The following RADX variants were observed in gnomAD, a reference collection of about 807,000 sequenced individuals.
RADX encodes the protein RPA1 related single stranded DNA binding protein, X-linked.
Under a neutral mutation model 61.6 loss-of-function variants are expected in RADX, and 36 were observed. The observed-to-expected ratio is 0.58, with a 90% confidence interval of 0.45 to 0.77. The LOEUF (loss-of-function observed/expected upper bound fraction) is 0.77, where lower values mean the gene tolerates loss of function less well. Ranked by LOEUF, RADX falls within the 30% of genes least tolerant of loss-of-function variation. RADX has a pLI of 0.00. For synonymous variants in RADX, 272 were observed against 237.9 expected, an observed-to-expected ratio of 1.14 and a Z score of -1.32; for missense variants, 497 against 651.1, an observed-to-expected ratio of 0.76 and a Z score of 2.58.
In RADX at chrX:106,669,279, C is replaced by A; in HGVS notation, c.2386C>A (p.Pro796Thr). ...CTCCATGAATTACAGCTGTGCATAT[C>A]CACAGGACACAACTGGAAATGACCG... Reference protein sequence around the residue: ...LTSMNYSCAYPQDTTGNDRLP... With the variant: ...LTSMNYSCAYTQDTTGNDRLP... The change falls in exon 13 of 14, where the codon CCA becomes ACA. Residue 796 changes from proline to threonine, a missense_variant. Pro to Thr is a conservative substitution (Grantham distance 38). This residue lies in a region of RADX where 267 missense variants were observed against 306.9 expected (regional missense o/e 0.87). Coordinates refer to ENST00000372548, the MANE Select transcript of RADX (RefSeq NM_018015.6). 1 of 1,203,804 alleles carries A rather than the reference C, an allele frequency of 8.3e-7. No individual in the cohort carries two copies. The highest frequency in any genetic ancestry group is 1.1e-6 in the Non-Finnish European group (1 of 889,133).
Position 106,612,265 on chromosome X carries a change from C to A in RADX, c.185C>A (p.Thr62Asn). 8.3e-7 allele frequency: 1 copy of A among 1,211,071 alleles called. No homozygotes were observed. Residue 62 changes from threonine to asparagine, a missense_variant, in exon 1 of 14, where the codon ACC becomes AAC. By Grantham distance (65) the Thr-to-Asn change is moderately conservative. This residue lies in a region of RADX where 196 missense variants were observed against 315.0 expected (regional missense o/e 0.62). Coordinates refer to ENST00000372548, the MANE Select transcript of RADX (RefSeq NM_018015.6). ...ATGGACTCACCTCGCCAGTGTGTCA[C>A]CCCCTCGGAGGTGGTGCCTGTAACT... ...QIMDSPRQCVTPSEVVPVTVL... is the reference protein window; with the variant it reads ...QIMDSPRQCVNPSEVVPVTVL...
At chrX:106,656,731 T>C (rs149412660) in intron 11 of RADX, among the ~76,000 whole-genome samples, 1,492 of 111,303 alleles carry the variant, frequency 0.013, 10 homozygotes, top group Non-Finnish European at 0.019. Flanking sequence ...GCAGTAATAT[T>C]TTGAGGGGAA....
Position 106,612,157 on chromosome X carries a change from G to C in RADX, c.77G>C (p.Arg26Pro). Reference protein sequence around the residue: ...GLDWPNPERNRAGVPGGVIRR... With the variant: ...GLDWPNPERNPAGVPGGVIRR... ...GATTGGCCGAACCCTGAGAGGAATCGGGCTGGGGTCCCGGGAGGGGTGATC... is the reference window on the plus strand; with the variant it reads ...GATTGGCCGAACCCTGAGAGGAATCCGGCTGGGGTCCCGGGAGGGGTGATC... The change falls in exon 1 of 14, where the codon CGG becomes CCG. Residue 26 changes from arginine (R) to proline (P), a missense_variant. Transcript: ENST00000372548. 1 of 1,211,838 alleles carries C rather than the reference G, an allele frequency of 8.3e-7. No individual in the cohort carries two copies.
intron 6 of RADX, among the ~76,000 whole-genome samples, chrX:106,635,328 T>C (rs1423480870): frequency 1.8e-5 from 2 of 111,749 alleles, no homozygotes; most frequent in Non-Finnish European, 3.8e-5. Flanking sequence ...GGATTTCATA[T>C]AGCTAGGAAG....
chrX:106,641,676 T>C (rs1161068988), intron 10 of RADX, among the ~76,000 whole-genome samples: 1 of 111,212 alleles, frequency 9.0e-6, no homozygotes, highest in Non-Finnish European at 1.9e-5. Context: ...CTGGGCTCAC[T>C]GGGGTAGCAT....
chrX:106,667,451 G>A (rs913860027), intron 12 of RADX, among the ~76,000 whole-genome samples: 1 of 110,331 alleles, frequency 9.1e-6, no homozygotes, highest in African/African-American at 3.3e-5. Flanking sequence ...CAAGTAGCTG[G>A]GACCACAGGC....
chrX:106,658,219 A>C (rs1927998182), intron 11 of RADX, among the ~76,000 whole-genome samples: 1 of 112,224 alleles, frequency 8.9e-6, no homozygotes, highest in Non-Finnish European at 1.9e-5. Flanking sequence ...CACTTATATC[A>C]GAAAAGTAGA....
At chrX:106,675,942 A>C (rs939596945) in intron 13 of RADX, among the ~76,000 whole-genome samples, 1 of 111,725 alleles carries the variant, frequency 9.0e-6, no homozygotes. Context: ...AAAATACCCT[A>C]TGATGTAGGT....
At chrX:106,660,677 A>C (rs1928067269) in intron 11 of RADX, among the ~76,000 whole-genome samples, 1 of 112,126 alleles carries the variant, frequency 8.9e-6, no homozygotes, top group Admixed American at 9.5e-5. Flanking sequence ...CTGATTTTAC[A>C]GTGTTTCCGA....
At chrX:106,628,403 T>C (rs1241916969) in intron 3 of RADX, among the ~76,000 whole-genome samples, 1 of 111,647 alleles carries the variant, frequency 9.0e-6, no homozygotes, top group African/African-American at 3.3e-5. Flanking sequence ...GAGAATGTGT[T>C]GCATGGGAGA....
chrX:106,678,397 G>A lies in RADX; in HGVS notation c.*139G>A, dbSNP rs140717266. The A allele has an allele frequency of 9.2e-4, 377 of 408,425 alleles. 4 individuals carry two copies. In the East Asian group the frequency reaches 0.014, roughly 16 times the overall value. 33.7% of individuals were successfully genotyped at this position (408,425 alleles called of 1,213,427 possible). On this transcript the variant is annotated 3_prime_UTR_variant, in exon 14 of 14. Transcript: ENST00000372548. ...AAAGTTATTAAGCAGTTTTATGTTC[G>A]TTTTGTGTTTAGGGAGCTTTTTAAA...
intron 11 of RADX, among the ~76,000 whole-genome samples, chrX:106,661,235 T>C (rs1287987148): frequency 9.0e-6 from 1 of 111,543 alleles, no homozygotes; most frequent in Non-Finnish European, 1.9e-5. Flanking sequence ...ATAATTTGAT[T>C]TGATGATAGA....
intron 9 of RADX, 73 bp from the exon 10 acceptor site, chrX:106,640,479 A>G: frequency 2.7e-6 from 2 of 738,599 alleles, no homozygotes; most frequent in Admixed American, 3.6e-5. Context: ...TGAATACACT[A>G]AAATTGTAGT....
Position 106,662,070 on chromosome X carries a change from T to C in RADX, c.2034T>C (p.Asp678=), listed in dbSNP as rs1442211915. ...LQGKARKTIS[D]RWESQLWREK... is the part of the protein sequence containing the mutation. ...GGAAAGCCAGAAAAACTATAAGTGA[T>C]AGGTGGGAGAGTCAGCTGTGGAGAG... Residue 678 remains aspartate (D), a synonymous_variant, in exon 12 of 14, where the codon GAT becomes GAC. Coordinates refer to ENST00000372548, the MANE Select transcript of RADX (RefSeq NM_018015.6). 5.0e-6 allele frequency: 6 copies of C among 1,208,265 alleles called. No homozygotes were observed. Among genetic ancestry groups the C allele is most frequent in the Non-Finnish European group, 5.6e-6 (5 of 894,227 alleles).
Position 106,636,598 on chromosome X carries a change from T to A in RADX, c.1359T>A (p.Pro453=), listed in dbSNP as rs774025683. The A allele has an allele frequency of 1.1e-5, 13 of 1,201,139 alleles. No individual in the cohort carries two copies. The South Asian group carries it at 2.0e-4, about 18-fold the overall frequency. ...LKVVRNDNQV[P]KLLYLTTTNE... ...TTGTCAGAAATGACAATCAAGTACC[T>A]AAGCTGCTTTACCTCACCACTACAA... Residue 453 remains proline, a synonymous_variant, in exon 7 of 14, where the codon CCT becomes CCA. Transcript: ENST00000372548.
chrX:106,620,090 G>T (rs1014518098), intron 1 of RADX, among the ~76,000 whole-genome samples: 1 of 111,141 alleles, frequency 9.0e-6, no homozygotes, highest in Non-Finnish European at 1.9e-5. Context: ...TTATGCTCTC[G>T]CAAGTGTACA....
intron 1 of RADX, among the ~76,000 whole-genome samples, chrX:106,618,085 A>T (rs889925120): frequency 8.9e-6 from 1 of 112,165 alleles, no homozygotes; most frequent in Non-Finnish European, 1.9e-5. Context: ...TTACCGTCTC[A>T]GTAAAATTCT....
chrX:106,643,004 G>A (rs4379573), intron 10 of RADX, among the ~76,000 whole-genome samples: 12,012 of 110,233 alleles, frequency 0.11, 1,630 homozygotes, highest in African/African-American at 0.38. Context: ...ATGAAGGGAT[G>A]TTGAATTTTA....
At chrX:106,614,534 C>T (rs1278881769) in intron 1 of RADX, among the ~76,000 whole-genome samples, 2 of 111,852 alleles carry the variant, frequency 1.8e-5, no homozygotes, top group Admixed American at 9.4e-5. Context: ...CTTCCTCTGG[C>T]GAAATTGCTG....
Sources: gnomAD v4.1 joint callset for allele counts (sites outside exome capture counted in the v4.1 genomes callset) on GRCh38, gnomAD v4.1.1 for gene constraint, gnomAD v4.1.1 regional missense constraint, MANE v1.5 for transcripts, NCBI Gene and HGNC (gene_info 2026-07-23, HGNC 2026-07-21) for gene names.